Variants in HDAC8 observed in about 807,000 individuals in gnomAD.
The protein encoded by HDAC8 is histone deacetylase-like 1.
HDAC8 carries 1 observed loss-of-function variant against 32.2 expected under a neutral mutation model. The ratio of observed to expected loss-of-function variants is 0.03; its 90% confidence interval spans 0.01 to 0.15. The LOEUF (loss-of-function observed/expected upper bound fraction) is 0.15. HDAC8 is among the 10% of genes least tolerant of loss of function. The pLI is 1.00. For synonymous variants in HDAC8, 108 were observed against 113.9 expected, an observed-to-expected ratio of 0.95 and a Z score of 0.33; for missense variants, 117 against 300.0, an observed-to-expected ratio of 0.39 and a Z score of 4.51.
At chrX:72,427,273 T>A (rs1300731619) in intron 9 of HDAC8, among the ~76,000 whole-genome samples, 1 of 111,272 alleles carries the variant, frequency 9.0e-6, no homozygotes, top group Non-Finnish European at 1.9e-5. Context: ...TTATAAATCA[T>A]CCTGCTATAA....
chrX:72,539,380 C>G (rs949014903), intron 4 of HDAC8, among the ~76,000 whole-genome samples: 1 of 109,509 alleles, frequency 9.1e-6, no homozygotes, highest in Non-Finnish European at 1.9e-5. Flanking sequence ...TACAGGCATG[C>G]GCCACCATGC....
intron 10 of HDAC8, 137 bp downstream of exon 10, chrX:72,351,596 C>T: frequency 8.6e-6 from 4 of 464,787 alleles, no homozygotes; most frequent in Non-Finnish European, 1.5e-5. Context: ...GCTGTCAGGC[C>T]AAGAAGAGGT....
chrX:72,458,680 G>T (rs1376622190), intron 9 of HDAC8, among the ~76,000 whole-genome samples: 2 of 111,922 alleles, frequency 1.8e-5, no homozygotes, highest in African/African-American at 6.5e-5. Context: ...AAGCACTAGG[G>T]TTGGGGGCGT....
At position 72,435,908 on chromosome X, in the gene HDAC8, C is replaced by T. The variant is rs782142534; in HGVS notation, c.1005+26096G>A. Among the ~76,000 whole-genome samples the T allele has an allele frequency of 3.6e-5, 4 of 111,557 alleles. No homozygotes were observed. In the East Asian group the frequency reaches 1.1e-3, roughly 31 times the overall value. On this transcript the variant is annotated intron_variant, in intron 9 of 10. Coordinates refer to ENST00000373573, the MANE Select transcript of HDAC8 (RefSeq NM_018486.3). ...ACTTGAACATGGGTGGTGGAGGTTG[C>T]AGTGAGCCAAGATTGTGCCACTGCA...
At chrX:72,531,576 A>G (rs2050339968) in intron 4 of HDAC8, among the ~76,000 whole-genome samples, 1 of 111,785 alleles carries the variant, frequency 8.9e-6, no homozygotes, top group South Asian at 3.7e-4. Context: ...TATTTTCATC[A>G]CCTCAAAAAG....
chrX:72,426,970 C>T (rs2046657645), intron 9 of HDAC8, among the ~76,000 whole-genome samples: 1 of 110,031 alleles, frequency 9.1e-6, no homozygotes, highest in Non-Finnish European at 1.9e-5. Flanking sequence ...TGAAGACATA[C>T]AGAGAAGGAA....
chrX:72,370,284 G>A (rs1019091483), intron 9 of HDAC8, among the ~76,000 whole-genome samples: 3 of 112,368 alleles, frequency 2.7e-5, no homozygotes, highest in Non-Finnish European at 3.8e-5. Flanking sequence ...ATCCATGTAA[G>A]GGATATTTTG....
intron 9 of HDAC8, among the ~76,000 whole-genome samples, chrX:72,387,029 G>A (rs927942133): frequency 6.3e-5 from 7 of 111,834 alleles, no homozygotes; most frequent in African/African-American, 1.3e-4. Flanking sequence ...TCTTTCTTGA[G>A]GGAATCAAAA....
intron 9 of HDAC8, among the ~76,000 whole-genome samples, chrX:72,431,364 A>G (rs2046810413): frequency 8.9e-6 from 1 of 111,747 alleles, no homozygotes; most frequent in Non-Finnish European, 1.9e-5. Context: ...GTCTCTGGTC[A>G]GCTTCCTCTC....
At chrX:72,525,690 C>T (rs1278979704) in intron 4 of HDAC8, among the ~76,000 whole-genome samples, 1 of 106,177 alleles carries the variant, frequency 9.4e-6, no homozygotes, top group African/African-American at 3.4e-5. Flanking sequence ...GGCGGGCGCC[C>T]GTAGTCCCAG....
At chrX:72,569,616 G>A (rs975128696) in intron 2 of HDAC8, among the ~76,000 whole-genome samples, 6 of 112,242 alleles carry the variant, frequency 5.3e-5, no homozygotes, top group African/African-American at 1.9e-4. Context: ...GGTTGGAACC[G>A]GACTTCACTC....
chrX:72,521,228 T>C (rs901088374), intron 4 of HDAC8, among the ~76,000 whole-genome samples: 2 of 111,291 alleles, frequency 1.8e-5, no homozygotes, highest in Non-Finnish European at 3.8e-5. Context: ...TTTTTTTTAG[T>C]CTACCTTCTA....
chrX:72,342,474 T>G (rs1195637295), intron 10 of HDAC8, among the ~76,000 whole-genome samples: 4 of 112,529 alleles, frequency 3.6e-5, no homozygotes, highest in African/African-American at 1.3e-4. Flanking sequence ...CTAAAGAGCC[T>G]CCAGGTAGAC....
At chrX:72,548,607 G>A (rs2050948819) in intron 4 of HDAC8, among the ~76,000 whole-genome samples, 1 of 111,401 alleles carries the variant, frequency 9.0e-6, no homozygotes, top group African/African-American at 3.3e-5. Context: ...ATCCTTTGAA[G>A]ACATCTTCAT....
chrX:72,523,663 A>G (rs1350673807), intron 4 of HDAC8, among the ~76,000 whole-genome samples: 1 of 111,931 alleles, frequency 8.9e-6, no homozygotes, highest in Non-Finnish European at 1.9e-5. Flanking sequence ...ATTAAAATCT[A>G]TAACAACATG....
intron 9 of HDAC8, among the ~76,000 whole-genome samples, chrX:72,425,455 G>T (rs2046612778): frequency 8.9e-6 from 1 of 111,755 alleles, no homozygotes; most frequent in Admixed American, 9.5e-5. Context: ...TTCTGCTGTG[G>T]TCTATCTTGG....
intron 10 of HDAC8, among the ~76,000 whole-genome samples, chrX:72,342,790 C>T (rs967323958): frequency 8.9e-6 from 1 of 111,925 alleles, no homozygotes; most frequent in Non-Finnish European, 1.9e-5. Flanking sequence ...TGATCCTCAG[C>T]GTCTCAGTTG....
At chrX:72,495,878 T>C (rs1556012770) in intron 4 of HDAC8, among the ~76,000 whole-genome samples, 1 of 112,188 alleles carries the variant, frequency 8.9e-6, no homozygotes, top group Non-Finnish European at 1.9e-5. Flanking sequence ...AGTGAAGCAG[T>C]CTTTTATAAA....
At chrX:72,371,400 A>G (rs2044872296) in intron 9 of HDAC8, among the ~76,000 whole-genome samples, 1 of 111,963 alleles carries the variant, frequency 8.9e-6, no homozygotes, top group Non-Finnish European at 1.9e-5. Context: ...AACAACATCT[A>G]GTAGACTCGG....
Sources: gnomAD v4.1 joint callset for allele counts (sites outside exome capture counted in the v4.1 genomes callset) on GRCh38, gnomAD v4.1.1 for gene constraint, MANE v1.5 for transcripts, NCBI Gene and HGNC (gene_info 2026-07-23, HGNC 2026-07-21) for gene names.